TSNARE1: variants seen among roughly 807,000 people sequenced by gnomAD.
TSNARE1 encodes the protein t-SNARE domain containing 1, also known as t-SNARE domain-containing protein 1.
TSNARE1 carries 49 observed loss-of-function variants against 62.0 expected under a neutral mutation model. The ratio of observed to expected loss-of-function variants is 0.79; its 90% CI spans 0.63 to 1.00. The LOEUF (loss-of-function observed/expected upper bound fraction) is 1.00, where lower values mean the gene tolerates loss of function less well. Among genes scored for constraint, TSNARE1 ranks in the 50% least tolerant of loss-of-function variants. TSNARE1 has a pLI of 0.00. For synonymous variants in TSNARE1, 328 were observed against 294.4 expected, an observed-to-expected ratio of 1.11 and a Z score of -1.17; for missense variants, 755 against 700.1, an observed-to-expected ratio of 1.08 and a Z score of -0.88.
chr8:142,346,669 G>A (rs780986179), intron 2 of TSNARE1, among the ~76,000 whole-genome samples: 2 of 152,220 alleles, frequency 1.3e-5, no homozygotes, highest in African/African-American at 4.8e-5. Flanking sequence ...GACGTGTCCT[G>A]GTAGGTCACA....
chr8:142,309,171 C>T (rs1827181144), intron 9 of TSNARE1, among the ~76,000 whole-genome samples: 2 of 152,314 alleles, frequency 1.3e-5, no homozygotes, highest in Non-Finnish European at 2.9e-5. Flanking sequence ...ATTCTGACAG[C>T]ACGCTACAGG....
At chr8:142,344,668 G>A (rs1448470547) in intron 3 of TSNARE1, among the ~76,000 whole-genome samples, 196 bp from the exon 4 acceptor site, 4 of 152,224 alleles carry the variant, frequency 2.6e-5, no homozygotes, top group African/African-American at 9.6e-5. Flanking sequence ...TGCCTCACCA[G>A]GTGCCATCAG....
chr8:142,298,844 C>G (rs1038331854), intron 10 of TSNARE1, among the ~76,000 whole-genome samples: 3 of 152,202 alleles, frequency 2.0e-5, no homozygotes, highest in Non-Finnish European at 4.4e-5. Flanking sequence ...AGCTGTGAAG[C>G]CTTCAGGGCA....
rs1203522454 is a variant in TSNARE1 at position 142,328,791 on chromosome 8, C to T, written c.893+2110G>A. On this transcript the variant is annotated intron_variant, in intron 6 of 13. Coordinates refer to ENST00000524325, the MANE Select transcript of TSNARE1 (RefSeq NM_145003.5). ...TCGCAACGTGGCCACTGGACTCCAG[C>T]GTGGGGGTCTGTGACAGGGAGGCCT... Among the ~76,000 whole-genome samples, 13 of 106,846 alleles carry T rather than the reference C, an allele frequency of 1.2e-4. No homozygotes were observed. The East Asian group carries it at 1.7e-3, about 14-fold the overall frequency. The allele number at this position is 106,846 out of a possible 152,430, so 70.1% of individuals were successfully genotyped here. A position where few individuals can be genotyped will look rare whatever the true frequency, so the allele number is the denominator to read the frequency against.
intron 1 of TSNARE1, among the ~76,000 whole-genome samples, chr8:142,398,506 T>G: frequency 6.6e-6 from 1 of 151,854 alleles, no homozygotes; most frequent in African/African-American, 2.4e-5. Context: ...AACCTTGCTC[T>G]GTAAGGTGCC....
At chr8:142,289,541 C>T (rs1823395193) in intron 10 of TSNARE1, among the ~76,000 whole-genome samples, 1 of 152,168 alleles carries the variant, frequency 6.6e-6, no homozygotes, top group Non-Finnish European at 1.5e-5. Context: ...GCCACATCAG[C>T]CACACGAGCT....
At chr8:142,318,699 G>T in intron 6 of TSNARE1, 65 bp from the exon 7 acceptor site, 1 of 1,538,848 alleles carries the variant, frequency 6.5e-7, no homozygotes. Flanking sequence ...CAAGGGCCCA[G>T]AAGGACGGAG....
chr8:142,266,851 T>C (rs1819159233), intron 12 of TSNARE1, among the ~76,000 whole-genome samples: 4 of 152,202 alleles, frequency 2.6e-5, no homozygotes, highest in Admixed American at 2.6e-4. Context: ...CCCCATCTCT[T>C]CATCTGTCGT....
At chr8:142,304,755 C>G (rs986772951) in intron 9 of TSNARE1, among the ~76,000 whole-genome samples, 12 of 152,228 alleles carry the variant, frequency 7.9e-5, no homozygotes, top group African/African-American at 2.7e-4. Flanking sequence ...ATGCCACCTT[C>G]CGGACTCAGG....
intron 12 of TSNARE1, chr8:142,274,184 G>C: frequency 1.0e-6 from 1 of 985,436 alleles, no homozygotes; most frequent in Non-Finnish European, 1.2e-6. Flanking sequence ...GCCACAATGG[G>C]GACAGAGCCA....
At chr8:142,277,577 T>C (rs541881517) in intron 11 of TSNARE1, 3 of 985,300 alleles carry the variant, frequency 3.0e-6, no homozygotes, top group African/African-American at 3.5e-5. Context: ...ACTTTCCTAC[T>C]TCCTGCCTCT....
In TSNARE1 at chr8:142,290,777, G is replaced by A. The variant is rs1007047663; in HGVS notation, c.1291-6292C>T. On this transcript the variant is annotated intron_variant, in intron 10 of 13. Coordinates refer to ENST00000524325, the MANE Select transcript of TSNARE1 (RefSeq NM_145003.5). ...GCTCTGCCTGGGGCCTTGGAGCCCCGCCTGGGCCATCTCCGCATCCCATCC... is the reference window on the plus strand; with the variant it reads ...GCTCTGCCTGGGGCCTTGGAGCCCCACCTGGGCCATCTCCGCATCCCATCC... 9.9e-5 allele frequency among the ~76,000 whole-genome samples: 15 copies of A among 152,172 alleles called. 1 individual carries two copies.
chr8:142,217,921 A>G lies in TSNARE1; in HGVS notation c.*12-5608T>C, dbSNP rs1403127202. Among the ~76,000 whole-genome samples, 6 of 109,910 alleles carry G rather than the reference A, an allele frequency of 5.5e-5. 1 individual carries two copies. Among genetic ancestry groups the G allele is most frequent in the Admixed American group, 8.9e-5 (1 of 11,280 alleles). The allele number at this position is 109,910 out of a possible 152,430, so 72.1% of individuals were successfully genotyped here. On this transcript the variant is annotated intron_variant, in intron 13 of 13. Coordinates refer to ENST00000524325, the MANE Select transcript of TSNARE1 (RefSeq NM_145003.5). ...GACCAGGATCAGGGCTCAGAGTGTG[A>G]ACAGGATCAGGGCTCAGAGTATGAG...
intron 4 of TSNARE1, among the ~76,000 whole-genome samples, chr8:142,337,709 C>A (rs1440439743): frequency 6.6e-6 from 1 of 152,228 alleles, no homozygotes; most frequent in South Asian, 2.1e-4. Context: ...CCTGCGACAC[C>A]GCAGCCCCAC....
intron 11 of TSNARE1, chr8:142,275,614 C>T: frequency 1.0e-6 from 1 of 985,464 alleles, no homozygotes; most frequent in Non-Finnish European, 1.2e-6. Context: ...AACAGAGCCA[C>T]ATGCAAACAC....
intron 12 of TSNARE1, among the ~76,000 whole-genome samples, chr8:142,253,818 C>T (rs1474984324): frequency 6.6e-6 from 1 of 152,190 alleles, no homozygotes; most frequent in African/African-American, 2.4e-5. Context: ...GGCACGTGGC[C>T]CATGTTGTGT....
rs940128593 is a variant in TSNARE1 at position 142,376,787 on chromosome 8, G to A, written c.-39-22024C>T. On this transcript the variant is annotated intron_variant, in intron 1 of 13. Transcript: ENST00000524325. ...TGTAACCCCGAGTGGCAGACCCGGG[G>A]CCTGGAGTGCCAGGGAAGCGTGTGC... is the stretch of plus-strand genomic sequence containing the variant. 9.2e-5 allele frequency among the ~76,000 whole-genome samples: 14 copies of A among 152,176 alleles called. 1 individual carries two copies. The highest frequency in any genetic ancestry group is 3.4e-4 in the African/African-American group (14 of 41,434).
At chr8:142,394,407 A>C (rs754090707) in intron 1 of TSNARE1, among the ~76,000 whole-genome samples, 1 of 152,082 alleles carries the variant, frequency 6.6e-6, no homozygotes, top group Non-Finnish European at 1.5e-5. Flanking sequence ...TCCAAACACA[A>C]CCGTACTCAG....
At chr8:142,217,731 C>T (rs1393724392) in intron 13 of TSNARE1, among the ~76,000 whole-genome samples, 1 of 152,152 alleles carries the variant, frequency 6.6e-6, no homozygotes, top group Non-Finnish European at 1.5e-5. Context: ...CAAAATGTAA[C>T]TAGAATTAGG....
Sources: gnomAD v4.1 joint callset for allele counts (sites outside exome capture counted in the v4.1 genomes callset) on GRCh38, gnomAD v4.1.1 for gene constraint, MANE v1.5 for transcripts, NCBI Gene and HGNC (gene_info 2026-07-23, HGNC 2026-07-21) for gene names.